VIPR1: variants seen among roughly 807,000 people sequenced by gnomAD.
VIPR1 encodes the protein vasoactive intestinal peptide receptor 1.
A neutral mutation model predicts 58.8 loss-of-function variants in VIPR1; 59 were observed. The ratio of observed to expected loss-of-function variants is 1.00; its 90% CI spans 0.81 to 1.25. VIPR1 has a LOEUF of 1.25. VIPR1 is among the 50% of genes most tolerant of loss of function. The probability of loss-of-function intolerance (pLI) is 0.00; values close to 1 mark genes in which losing one functional copy is unlikely to be tolerated. For missense variants in VIPR1, 626 were observed against 602.7 expected (o/e 1.04, Z -0.40); for synonymous variants, 251 against 242.1 (o/e 1.04, Z -0.34).
intron 6 of VIPR1, 75 bp downstream of exon 6, chr3:42,528,198 CCT>C: frequency 6.5e-7 from 1 of 1,541,466 alleles, no homozygotes; most frequent in Non-Finnish European, 8.8e-7. Context: ...CTCTTCTCCC[CCT>C]GCTTCTCCCT....
rs1001696349 is a variant in VIPR1 at position 42,502,777 on chromosome 3, G to T, written c.42G>T (p.Val14=). The change falls in exon 1 of 13, where the codon GTG becomes GTT. Residue 14 remains valine, a synonymous_variant. Transcript: ENST00000325123. ...PSPLPARWLC[V]LAGALAWALG... ...CGCTGCCCGCCCGCTGGCTATGCGT[G>T]CTGGCAGGCGCCCTCGCCTGGGCCC... 7.8e-7 allele frequency: 1 copy of T among 1,288,618 alleles called. No individual in the cohort carries two copies. The highest frequency in any genetic ancestry group is 9.8e-7 in the Non-Finnish European group (1 of 1,020,012). The allele number at this position is 1,288,618 out of a possible 1,614,324, so 79.8% of individuals were successfully genotyped here. A position where few individuals can be genotyped will look rare whatever the true frequency, so the allele number is the denominator to read the frequency against.
intron 1 of VIPR1, among the ~76,000 whole-genome samples, chr3:42,504,902 CAAAAA>C (rs56310463): frequency 7.6e-5 from 4 of 52,968 alleles, no homozygotes; most frequent in African/African-American, 7.2e-5. Context: ...AAAAGGGAGG[CAAAAA>C]AAAAAAAAAA....
At chr3:42,514,216 C>T (rs549980323) in intron 2 of VIPR1, among the ~76,000 whole-genome samples, 5 of 152,110 alleles carry the variant, frequency 3.3e-5, no homozygotes, top group Admixed American at 1.3e-4. Flanking sequence ...GATCTGTGAC[C>T]AATGAGGGCA....
intron 3 of VIPR1, among the ~76,000 whole-genome samples, chr3:42,522,170 G>A (rs1431213564): frequency 1.5e-5 from 2 of 134,694 alleles, no homozygotes; most frequent in East Asian, 4.4e-4. Context: ...GGAGTGCAGT[G>A]GCACTATCTC....
Position 42,502,761 on chromosome 3 carries a change from C to T in VIPR1, c.26C>T (p.Ala9Val), listed in dbSNP as rs1300765344. 1.5e-6 allele frequency: 2 copies of T among 1,305,684 alleles called. No homozygotes were observed. The highest frequency in any genetic ancestry group is 1.9e-6 in the Non-Finnish European group (2 of 1,030,288). The allele number at this position is 1,305,684 out of a possible 1,614,324, so 80.9% of individuals were successfully genotyped here. A position where few individuals can be genotyped will look rare whatever the true frequency, so the allele number is the denominator to read the frequency against. The change falls in exon 1 of 13, where the codon GCC (alanine) becomes GTC (valine). Residue 9 changes from alanine (A) to valine (V), a missense_variant. Ala to Val is a moderately conservative substitution (Grantham distance 64). Coordinates refer to ENST00000325123, the MANE Select transcript of VIPR1 (RefSeq NM_004624.4). Reference sequence around the variant, plus strand: ...ATGCGCCCGCCAAGTCCGCTGCCCGCCCGCTGGCTATGCGTGCTGGCAGGC... The same window carrying T: ...ATGCGCCCGCCAAGTCCGCTGCCCGTCCGCTGGCTATGCGTGCTGGCAGGC... MRPPSPLPARWLCVLAGAL... is the reference protein window; with the variant it reads MRPPSPLPVRWLCVLAGAL...
At chr3:42,508,459 C>A (rs564585046) in intron 1 of VIPR1, among the ~76,000 whole-genome samples, 1 of 152,076 alleles carries the variant, frequency 6.6e-6, no homozygotes, top group African/African-American at 2.4e-5. Flanking sequence ...TCACATGCTG[C>A]GCTGGGACTT....
upstream of VIPR1, among the ~76,000 whole-genome samples, chr3:42,498,288 C>T (rs1268349133): frequency 1.3e-5 from 2 of 152,198 alleles, no homozygotes; most frequent in East Asian, 3.9e-4. Context: ...CCAGACAGCC[C>T]CAGACATTGA....
At position 42,527,469 on chromosome 3, in the gene VIPR1, T is replaced by C. The variant is rs1701294850; in HGVS notation, c.476T>C (p.Val159Ala). 1.2e-6 allele frequency: 2 copies of C among 1,613,764 alleles called. No individual in the cohort carries two copies. Among genetic ancestry groups the C allele is most frequent in the Non-Finnish European group, 1.7e-6 (2 of 1,179,962 alleles). ...GYGLSLATLL[V>A]ATAILSLFRK... ...GGCCTGTCCCTCGCCACCCTTCTGG[T>C]CGCCACAGCTATCCTGAGCCTGTTC... Residue 159 changes from valine to alanine, a missense_variant, in exon 5 of 13, where the codon GTC becomes GCC. Coordinates refer to ENST00000325123, the MANE Select transcript of VIPR1 (RefSeq NM_004624.4).
chr3:42,531,245 A>G, intron 7 of VIPR1: 1 of 616,804 alleles, frequency 1.6e-6, no homozygotes, highest in Non-Finnish European at 2.9e-6. Context: ...AATTAGAAAG[A>G]GAATGTCCGT....
At chr3:42,507,299 G>C (rs988130140) in intron 1 of VIPR1, 1 of 152,260 alleles carries the variant, frequency 6.6e-6, no homozygotes, top group African/African-American at 2.4e-5. Context: ...CAGCGAGCTG[G>C]CAGGGAGAAA....
intron 2 of VIPR1, among the ~76,000 whole-genome samples, chr3:42,518,394 T>C (rs1027006969): frequency 6.6e-6 from 1 of 152,190 alleles, no homozygotes; most frequent in East Asian, 1.9e-4. Context: ...CTCCCTTTTC[T>C]CAGTGGCTGC....
chr3:42,523,604 TACACAC>T (rs60726747), intron 3 of VIPR1, among the ~76,000 whole-genome samples: 34 of 129,902 alleles, frequency 2.6e-4, no homozygotes, highest in South Asian at 7.5e-4. Flanking sequence ...CCTCCGCCAC[TACACAC>T]ACACACACAC....
intron 1 of VIPR1, among the ~76,000 whole-genome samples, chr3:42,496,493 T>G (rs1699764673): frequency 6.6e-6 from 1 of 152,238 alleles, no homozygotes; most frequent in South Asian, 2.1e-4. Context: ...TAGAGGGAGA[T>G]GTGGCTCTCC....
chr3:42,531,361 CT>C, intron 7 of VIPR1, 109 bp from the exon 8 acceptor site: 2 of 1,197,284 alleles, frequency 1.7e-6, no homozygotes. Context: ...ACAACCCACC[CT>C]TTTCTCTCTC....
At chr3:42,515,658 C>A (rs1235980321) in intron 2 of VIPR1, among the ~76,000 whole-genome samples, 1 of 152,226 alleles carries the variant, frequency 6.6e-6, no homozygotes, top group African/African-American at 2.4e-5. Flanking sequence ...ATGGGTCTGC[C>A]CGTGACCTTC....
At chr3:42,510,842 C>T (rs1700328736) in intron 1 of VIPR1, among the ~76,000 whole-genome samples, 1 of 152,126 alleles carries the variant, frequency 6.6e-6, no homozygotes, top group Non-Finnish European at 1.5e-5. Flanking sequence ...GTCTGTGCTG[C>T]TGAGGGGGCA....
At chr3:42,501,497 C>G (rs910957829), upstream of VIPR1, among the ~76,000 whole-genome samples, 2 of 152,232 alleles carry the variant, frequency 1.3e-5, no homozygotes, top group Admixed American at 6.5e-5. This position sits in a 1 kb window ranked among gnomAD's most constrained non-coding sequence, Gnocchi z 4.8. Flanking sequence ...GACCACATCT[C>G]CAGCCTCGAT....
At chr3:42,514,618 A>C (rs1577218584) in intron 2 of VIPR1, among the ~76,000 whole-genome samples, 1 of 151,640 alleles carries the variant, frequency 6.6e-6, no homozygotes, top group Non-Finnish European at 1.5e-5. Context: ...AGGCAAACAC[A>C]CTGGCCTCTC....
chr3:42,513,795 T>A lies in VIPR1; in HGVS notation c.125T>A (p.Met42Lys). ...RLQEECDYVQ[M>K]IEVQHKQCLE... Reference sequence around the variant, plus strand: ...CAGGAGGAGTGTGACTATGTGCAGATGATCGAGGTGCAGCACAAGCAGTGC... The same window carrying A: ...CAGGAGGAGTGTGACTATGTGCAGAAGATCGAGGTGCAGCACAAGCAGTGC... Residue 42 changes from methionine (M) to lysine (K), a missense_variant, in exon 2 of 13, where the codon ATG becomes AAG. By Grantham distance (95) the Met-to-Lys change is moderately conservative. Coordinates refer to ENST00000325123, the MANE Select transcript of VIPR1 (RefSeq NM_004624.4). The A allele has an allele frequency of 5.8e-6, 9 of 1,551,556 alleles. No homozygotes were observed. The highest frequency in any genetic ancestry group is 7.8e-6 in the Non-Finnish European group (9 of 1,146,944).
Sources: allele counts gnomAD v4.1 joint callset (sites outside exome capture counted in the v4.1 genomes callset), GRCh38; gene constraint gnomAD v4.1.1; non-coding constraint Gnocchi (gnomAD v3.1); transcripts MANE v1.5; gene names NCBI Gene and HGNC (gene_info 2026-07-23, HGNC 2026-07-21).